Variants in MCPH1 observed in about 807,000 individuals in gnomAD.
MCPH1 encodes microcephalin 1.
MCPH1 carries 104 observed loss-of-function variants against 84.5 expected under a neutral mutation model. The observed-to-expected ratio is 1.23, with a 90% CI of 1.05 to 1.45. The LOEUF (loss-of-function observed/expected upper bound fraction) is 1.45, where lower values mean the gene tolerates loss of function less well. Among genes scored for constraint, MCPH1 ranks in the 40% most tolerant of loss-of-function variants. The pLI is 0.00. For synonymous variants in MCPH1, 514 were observed against 366.8 expected (o/e 1.40, Z -4.58); for missense variants, 1,498 against 1,005.7 (o/e 1.49, Z -6.62).
At chr8:6,603,161 G>A (rs565141230) in intron 12 of MCPH1, among the ~76,000 whole-genome samples, 24 of 152,056 alleles carry the variant, frequency 1.6e-4, no homozygotes, top group Admixed American at 5.2e-4. Flanking sequence ...CTCTACCGCC[G>A]GACTCTGCTT....
intron 12 of MCPH1, among the ~76,000 whole-genome samples, chr8:6,539,417 G>C (rs1209863091): frequency 6.6e-6 from 1 of 152,148 alleles, no homozygotes; most frequent in Non-Finnish European, 1.5e-5. Flanking sequence ...AGGGAGGGAA[G>C]CCTGGCCTCT....
At chr8:6,546,064 C>T (rs1822529516) in intron 12 of MCPH1, among the ~76,000 whole-genome samples, 1 of 152,204 alleles carries the variant, frequency 6.6e-6, no homozygotes, top group Non-Finnish European at 1.5e-5. Flanking sequence ...CAGTTCAGTT[C>T]CTTAGGAACT....
chr8:6,515,943 G>C (rs575483859), intron 12 of MCPH1, among the ~76,000 whole-genome samples: 1 of 152,304 alleles, frequency 6.6e-6, no homozygotes, highest in Admixed American at 6.5e-5. Context: ...GGGGTGCAGA[G>C]GAAGTGCAGT....
intron 5 of MCPH1, among the ~76,000 whole-genome samples, chr8:6,436,677 A>C (rs754350897): frequency 6.6e-6 from 1 of 151,150 alleles, no homozygotes; most frequent in African/African-American, 2.4e-5. Context: ...TTTATATATA[A>C]GAATATTATG....
intron 5 of MCPH1, among the ~76,000 whole-genome samples, chr8:6,437,238 A>G (rs1415712383): frequency 2.6e-5 from 4 of 151,722 alleles, no homozygotes; most frequent in African/African-American, 4.8e-5. Flanking sequence ...GATTTATTTT[A>G]TTTATTTTTT....
chr8:6,631,276 G>C (rs1478845503), intron 13 of MCPH1, among the ~76,000 whole-genome samples: 2 of 152,060 alleles, frequency 1.3e-5, no homozygotes, highest in African/African-American at 4.8e-5. Context: ...GAAAGAGGTG[G>C]GCACAGCTCA....
chr8:6,495,395 T>C (rs2442482), intron 11 of MCPH1, among the ~76,000 whole-genome samples: 123,649 of 152,154 alleles, frequency 0.81, 53,660 homozygotes, highest in Non-Finnish European at 0.97. Flanking sequence ...AATTCTGTGC[T>C]TTTAACCAGT....
chr8:6,559,244 C>CACACACAG (rs1825143106), intron 12 of MCPH1, among the ~76,000 whole-genome samples: 1 of 151,886 alleles, frequency 6.6e-6, no homozygotes, highest in Admixed American at 6.6e-5. Flanking sequence ...CACACACACA[C>CACACACAG]ACACACACAC....
intron 12 of MCPH1, among the ~76,000 whole-genome samples, chr8:6,586,344 T>G (rs1169947550): frequency 6.6e-6 from 1 of 152,152 alleles, no homozygotes; most frequent in Non-Finnish European, 1.5e-5. Context: ...AAGCTAGTCT[T>G]GCATAGACAA....
chr8:6,500,676 A>G (rs1811987057), intron 12 of MCPH1: 1 of 152,184 alleles, frequency 6.6e-6, no homozygotes, highest in African/African-American at 2.4e-5. Flanking sequence ...TTTTAAGATT[A>G]CTGTTTGATT....
rs189632906 is a variant in MCPH1, at chr8:6,490,105, G to C, written c.2136+9229G>C. 8.0e-4 allele frequency among the ~76,000 whole-genome samples: 121 copies of C among 151,932 alleles called. 1 individual carries two copies. Among genetic ancestry groups the C allele is most frequent in the African/African-American group, 2.8e-3 (116 of 41,428 alleles). On this transcript the variant is annotated intron_variant, in intron 11 of 13. Coordinates refer to ENST00000344683, the MANE Select transcript of MCPH1 (RefSeq NM_024596.5). ...TTTGCCTTATGACTGAGACCTCCAG[G>C]ACGTCAACTTGGTCCATGCTGAACT...
intron 11 of MCPH1, among the ~76,000 whole-genome samples, chr8:6,487,404 T>C (rs1810063490): frequency 6.6e-6 from 1 of 152,216 alleles, no homozygotes; most frequent in South Asian, 2.1e-4. Context: ...CCTCTCATTT[T>C]ACATTAAAGA....
chr8:6,612,825 G>A (rs934019139), intron 12 of MCPH1, among the ~76,000 whole-genome samples: 1 of 152,264 alleles, frequency 6.6e-6, no homozygotes, highest in Non-Finnish European at 1.5e-5. Context: ...CGTGGGTGTG[G>A]TGGAAGCAAA....
At chr8:6,449,141 A>T (rs1417641759) in intron 8 of MCPH1, among the ~76,000 whole-genome samples, 3 of 152,254 alleles carry the variant, frequency 2.0e-5, no homozygotes, top group African/African-American at 7.2e-5. Context: ...TCACACAGAC[A>T]GATACTGCTG....
intron 12 of MCPH1, among the ~76,000 whole-genome samples, chr8:6,535,032 G>C (rs1249396234): frequency 6.6e-6 from 1 of 152,152 alleles, no homozygotes; most frequent in East Asian, 1.9e-4. Flanking sequence ...ATTCCGGGAG[G>C]CTTGGAACTA....
At chr8:6,583,981 T>C (rs1180673465) in intron 12 of MCPH1, among the ~76,000 whole-genome samples, 1 of 151,998 alleles carries the variant, frequency 6.6e-6, no homozygotes, top group Non-Finnish European at 1.5e-5. Flanking sequence ...ATCATACAAA[T>C]GTGATTGTGC....
At chr8:6,642,331 G>C (rs773503116) in intron 13 of MCPH1, among the ~76,000 whole-genome samples, 1 of 152,120 alleles carries the variant, frequency 6.6e-6, no homozygotes, top group Admixed American at 6.5e-5. Context: ...GGGAGGGGTT[G>C]TTTCCGCCAG....
intron 13 of MCPH1, among the ~76,000 whole-genome samples, chr8:6,638,386 T>G (rs1172353540): frequency 6.6e-6 from 1 of 152,174 alleles, no homozygotes; most frequent in African/African-American, 2.4e-5. Context: ...ATTGTACCAT[T>G]AACCACACTT....
chr8:6,577,624 C>G (rs765749082), intron 12 of MCPH1, among the ~76,000 whole-genome samples: 1 of 152,250 alleles, frequency 6.6e-6, no homozygotes, highest in Non-Finnish European at 1.5e-5. Flanking sequence ...GAAGCTAAAT[C>G]TTTGTTCATG....
Sources: gnomAD v4.1 joint callset for allele counts (sites outside exome capture counted in the v4.1 genomes callset) on GRCh38, gnomAD v4.1.1 for gene constraint, MANE v1.5 for transcripts, NCBI Gene and HGNC (gene_info 2026-07-23, HGNC 2026-07-21) for gene names.